The following NCBP3 variants were observed in gnomAD, a reference collection of about 807,000 sequenced individuals.
NCBP3 encodes the protein nuclear cap binding subunit 3.
A neutral mutation model predicts 75.7 loss-of-function variants in NCBP3; 20 were observed. The ratio of observed to expected loss-of-function variants is 0.26; its 90% confidence interval spans 0.19 to 0.38. The LOEUF is 0.38. Ranked by LOEUF, NCBP3 falls within the 10% of genes least tolerant of loss-of-function variation. The probability of loss-of-function intolerance (pLI) is 1.00; values close to 1 mark genes in which losing one functional copy is unlikely to be tolerated. For missense variants in NCBP3, 678 were observed against 796.9 expected (o/e 0.85, Z 1.80); for synonymous variants, 293 against 290.5 (o/e 1.01, Z -0.09).
intron 4 of NCBP3, among the ~76,000 whole-genome samples, chr17:3,828,013 G>A (rs2053817404): frequency 6.6e-6 from 1 of 152,192 alleles, no homozygotes; most frequent in African/African-American, 2.4e-5. Flanking sequence ...CTGCCTCCCA[G>A]ATTCAAGCAA....
rs916590501 is a variant in NCBP3 at position 3,802,206 on chromosome 17, G to C, written c.*10838C>G. ...TTTAATTTTAATTAAACGTAAAAAG[G>C]CAGGACATTCCAAGGCTCTCTAACA... On this transcript the variant is annotated 3_prime_UTR_variant, in exon 13 of 13. Transcript: ENST00000389005. 2 of 152,132 alleles carry C rather than the reference G, an allele frequency of 1.3e-5. No homozygotes were observed. Among genetic ancestry groups the C allele is most frequent in the Non-Finnish European group, 1.5e-5 (1 of 68,038 alleles). 9.4% of individuals were successfully genotyped at this position (152,132 alleles called of 1,614,324 possible). A position where few individuals can be genotyped will look rare whatever the true frequency, so the allele number is the denominator to read the frequency against.
intron 4 of NCBP3, among the ~76,000 whole-genome samples, chr17:3,826,695 A>AGAAGGAAG (rs375511950): frequency 0.036 from 5,191 of 146,036 alleles, 376 homozygotes; most frequent in African/African-American, 0.13. Flanking sequence ...AGACAGAAAG[A>AGAAGGAAG]GAAGGAAGGA....
At position 3,808,747 on chromosome 17, in the gene NCBP3, T is replaced by C. The variant is rs913905790; in HGVS notation, c.*4297A>G. Reference sequence around the variant, plus strand: ...TGGAATTTATGTATGTATGTATTTTTTGAGACAGGTCTTGCTCTGCTGCCC... The same window carrying C: ...TGGAATTTATGTATGTATGTATTTTCTGAGACAGGTCTTGCTCTGCTGCCC... On this transcript the variant is annotated 3_prime_UTR_variant, in exon 13 of 13. Coordinates refer to ENST00000389005, the MANE Select transcript of NCBP3 (RefSeq NM_001114118.3). The C allele has an allele frequency of 6.6e-6, 1 of 152,242 alleles. No individual in the cohort carries two copies. The highest frequency in any genetic ancestry group is 2.4e-5 in the African/African-American group (1 of 41,432). The allele number at this position is 152,242 out of a possible 1,614,324, so 9.4% of individuals were successfully genotyped here. A position where few individuals can be genotyped will look rare whatever the true frequency, so the allele number is the denominator to read the frequency against.
chr17:3,837,920 C>T (rs555136542), intron 3 of NCBP3, among the ~76,000 whole-genome samples: 3 of 152,058 alleles, frequency 2.0e-5, no homozygotes, highest in South Asian at 4.2e-4. Context: ...TGACATCCCA[C>T]GGCCGACCTT....
intron 7 of NCBP3, chr17:3,824,574 G>A (rs1259822299): frequency 1.8e-5 from 3 of 166,158 alleles, no homozygotes; most frequent in African/African-American, 7.2e-5. Flanking sequence ...ACAATCTTAT[G>A]AGAAGGGAAT....
At chr17:3,823,282 T>C (rs1169350977) in intron 7 of NCBP3, among the ~76,000 whole-genome samples, 2 of 152,090 alleles carry the variant, frequency 1.3e-5, no homozygotes, top group African/African-American at 4.8e-5. Context: ...GAGGCAGCGG[T>C]TGCAGTGAGC....
intron 3 of NCBP3, among the ~76,000 whole-genome samples, chr17:3,836,545 C>G (rs1375854089): frequency 6.6e-6 from 1 of 151,334 alleles, no homozygotes; most frequent in Non-Finnish European, 1.5e-5. Context: ...CCCAGCTACT[C>G]AGGAAGCTGA....
rs112189540 is a variant in NCBP3 at position 3,810,031 on chromosome 17, T to C, written c.*3013A>G. Reference sequence around the variant, plus strand: ...AAGAGGGAATAGGGAGAATTGCTAATGGACTCAGGGTTTCTTTGGGTGATC... The same window carrying C: ...AAGAGGGAATAGGGAGAATTGCTAACGGACTCAGGGTTTCTTTGGGTGATC... On this transcript the variant is annotated 3_prime_UTR_variant, in exon 13 of 13. Coordinates refer to ENST00000389005, the MANE Select transcript of NCBP3 (RefSeq NM_001114118.3). 4.6e-5 allele frequency: 7 copies of C among 152,332 alleles called. No homozygotes were observed. Among genetic ancestry groups the C allele is most frequent in the African/African-American group, 1.2e-4 (5 of 41,566 alleles). 9.4% of individuals were successfully genotyped at this position (152,332 alleles called of 1,614,324 possible).
Position 3,846,070 on chromosome 17 carries a change from C to G in NCBP3, c.154G>C (p.Val52Leu). Residue 52 changes from valine to leucine, a missense_variant, in exon 1 of 13, where the codon GTG (valine) becomes CTG (leucine). Val to Leu is a conservative substitution (Grantham distance 32, BLOSUM62 1). This residue lies in a region of NCBP3 where 46 missense variants were observed against 82.8 expected (regional missense o/e 0.56). Coordinates refer to ENST00000389005, the MANE Select transcript of NCBP3 (RefSeq NM_001114118.3). This position sits in a 1 kb window ranked among gnomAD's most constrained non-coding sequence, Gnocchi z 4.6. ...ATCAGTTCCTTGAGCGAGCGCCGCACAGGCACGATTTCCAGCTCGCCCTCC... is the reference window on the plus strand; with the variant it reads ...ATCAGTTCCTTGAGCGAGCGCCGCAGAGGCACGATTTCCAGCTCGCCCTCC... ...VEEGELEIVP[V>L]RRSLKELIPD... 1 of 1,549,404 alleles carries G rather than the reference C, an allele frequency of 6.5e-7. No individual in the cohort carries two copies. The highest frequency in any genetic ancestry group is 1.2e-5 in the South Asian group (1 of 84,038).
At chr17:3,822,302 C>T in intron 7 of NCBP3, 1 of 352,056 alleles carries the variant, frequency 2.8e-6, no homozygotes, top group African/African-American at 2.1e-5. Context: ...ATGGAGAAAA[C>T]AAAAATAAAC....
Position 3,807,914 on chromosome 17 carries a change from G to A in NCBP3, c.*5130C>T, listed in dbSNP as rs1018356229. 6.6e-6 allele frequency: 1 copy of A among 152,202 alleles called. No individual in the cohort carries two copies. The highest frequency in any genetic ancestry group is 1.5e-5 in the Non-Finnish European group (1 of 68,068). The allele number at this position is 152,202 out of a possible 1,614,324, so 9.4% of individuals were successfully genotyped here. ...TAGGAACAAGAAATTACAGTCCAGT[G>A]TAGAGGTGTGCAGGGTTGTGGGGTA... On this transcript the variant is annotated 3_prime_UTR_variant, in exon 13 of 13. Transcript: ENST00000389005.
At position 3,814,413 on chromosome 17, in the gene NCBP3, C is replaced by T. The variant is rs149973573; in HGVS notation, c.1536G>A (p.Arg512=). The change falls in exon 12 of 13, where the codon CGG becomes CGA. Residue 512 remains arginine (R), a synonymous_variant. Transcript: ENST00000389005. The part of the protein sequence containing the change: ...EKAFSSNPVV[R]REPSSDVHSR... ...TATGCACATCAGAAGAGGGCTCTCT[C>T]CGAACGACGGGGTTACTACTAAAAG... 2,633 of 1,614,230 alleles carry T rather than the reference C, an allele frequency of 1.6e-3. 5 individuals carry two copies. Among genetic ancestry groups the T allele is most frequent in the Non-Finnish European group, 2.0e-3 (2,416 of 1,180,040 alleles).
chr17:3,812,467 A>T lies in NCBP3; in HGVS notation c.*577T>A, dbSNP rs960510994. On this transcript the variant is annotated 3_prime_UTR_variant, in exon 13 of 13. Coordinates refer to ENST00000389005, the MANE Select transcript of NCBP3 (RefSeq NM_001114118.3). ...CAATCCCCGAGGGAAGAACGGAAGC[A>T]CAGTCAATGCTGCAGCTCTTATCTA... 1.0e-6 allele frequency: 1 copy of T among 974,000 alleles called. No homozygotes were observed. Among genetic ancestry groups the T allele is most frequent in the Non-Finnish European group, 1.2e-6 (1 of 818,858 alleles). The allele number at this position is 974,000 out of a possible 1,614,324, so 60.3% of individuals were successfully genotyped here.
At chr17:3,821,801 A>G in intron 8 of NCBP3, 152 bp downstream of exon 8, 1 of 632,982 alleles carries the variant, frequency 1.6e-6, no homozygotes, top group East Asian at 2.6e-5. Flanking sequence ...ACAATTCAGC[A>G]TTCCCCATCA....
chr17:3,818,373 A>G lies in NCBP3; in HGVS notation c.1200T>C (p.Asp400=). 6.2e-7 allele frequency: 1 copy of G among 1,614,146 alleles called. No individual in the cohort carries two copies. Among genetic ancestry groups the G allele is most frequent in the Non-Finnish European group, 8.5e-7 (1 of 1,180,026 alleles). The stretch of plus-strand genomic sequence containing the variant: ...TCAGTTCTAGATCATAGTCCATTTC[A>G]TCTGAGTCTGAGCTGCTGGCACTGG... ...RRSSASSSDS[D]EMDYDLELKM... Residue 400 remains aspartate, a synonymous_variant, in exon 10 of 13, where the codon GAT becomes GAC. Transcript: ENST00000389005. This position sits in a 1 kb window ranked among gnomAD's most constrained non-coding sequence, Gnocchi z 4.7.
intron 4 of NCBP3, among the ~76,000 whole-genome samples, chr17:3,828,182 G>A (rs528809840): frequency 5.3e-5 from 8 of 152,220 alleles, no homozygotes; most frequent in Non-Finnish European, 1.2e-4. Context: ...GCCTCCCAAA[G>A]TGCTGGGATT....
intron 9 of NCBP3, among the ~76,000 whole-genome samples, chr17:3,819,068 A>G (rs1597396313): frequency 6.6e-6 from 1 of 151,958 alleles, no homozygotes; most frequent in South Asian, 2.1e-4. Flanking sequence ...GCCTGCTGCT[A>G]GTGATTTCAC....
chr17:3,843,018 C>T (rs559790470), intron 2 of NCBP3, 68 bp downstream of exon 2: 665 of 1,216,416 alleles, frequency 5.5e-4, no homozygotes, highest in Non-Finnish European at 6.7e-4. Flanking sequence ...ACTGTTATGT[C>T]CTAGGGATCA....
rs867429938 is a variant in NCBP3, at chr17:3,807,679, C to A, written c.*5365G>T. Reference sequence around the variant, plus strand: ...TACAACATGAAAATAAAGCATTGTACGTACATGGCAGAAAAATGACTAGCC... The same window carrying A: ...TACAACATGAAAATAAAGCATTGTAAGTACATGGCAGAAAAATGACTAGCC... On this transcript the variant is annotated 3_prime_UTR_variant, in exon 13 of 13. Transcript: ENST00000389005. 1.3e-5 allele frequency: 2 copies of A among 152,148 alleles called. No individual in the cohort carries two copies. The highest frequency in any genetic ancestry group is 2.9e-5 in the Non-Finnish European group (2 of 68,036). The allele number at this position is 152,148 out of a possible 1,614,324, so 9.4% of individuals were successfully genotyped here.
Sources: allele counts gnomAD v4.1 joint callset (sites outside exome capture counted in the v4.1 genomes callset), GRCh38; gene constraint gnomAD v4.1.1; regional missense constraint gnomAD v4.1.1; non-coding constraint Gnocchi (gnomAD v3.1); transcripts MANE v1.5; gene names NCBI Gene and HGNC (gene_info 2026-07-23, HGNC 2026-07-21).